The following PPP2R3B variants were observed in gnomAD, a reference collection of about 807,000 sequenced individuals.
The protein encoded by PPP2R3B is protein phosphatase 2 regulatory subunit B''beta.
PPP2R3B carries 68 observed loss-of-function variants against 72.9 expected under a neutral mutation model. The ratio of observed to expected loss-of-function variants is 0.93; its 90% CI spans 0.77 to 1.14. PPP2R3B has a LOEUF of 1.14. Among genes scored for constraint, PPP2R3B ranks in the 50% most tolerant of loss-of-function variants. The probability of loss-of-function intolerance (pLI) is 0.00; values close to 1 mark genes in which losing one functional copy is unlikely to be tolerated. For synonymous variants in PPP2R3B, 466 were observed against 375.8 expected, an observed-to-expected ratio of 1.24 and a Z score of -2.78; for missense variants, 1,018 against 842.0, an observed-to-expected ratio of 1.21 and a Z score of -2.59.
intron 1 of PPP2R3B, among the ~76,000 whole-genome samples, chrX:376,205 A>T (rs767997473): frequency 6.6e-6 from 1 of 151,982 alleles, no homozygotes; most frequent in Admixed American, 6.6e-5. Context: ...AAGGAAAAAA[A>T]AAAAAAAAAG....
chrX:349,942 CCA>C (rs2071293822), intron 2 of PPP2R3B, among the ~76,000 whole-genome samples: 1 of 152,152 alleles, frequency 6.6e-6, no homozygotes. Flanking sequence ...CGATCCCCAC[CCA>C]CAGAGTCCAG....
intron 10 of PPP2R3B, among the ~76,000 whole-genome samples, chrX:340,312 C>G (rs1261636819): frequency 4.6e-5 from 7 of 150,902 alleles, no homozygotes; most frequent in Admixed American, 4.0e-4. Context: ...CCTAGGTTCT[C>G]TAGGTCACCC....
Position 346,092 on chromosome X carries a change from GGGGGAGGA to G in PPP2R3B, c.879+74_879+81del. 1.6e-5 allele frequency: 11 copies of G among 672,170 alleles called. 1 individual carries two copies. The highest frequency in any genetic ancestry group is 2.6e-5 in the Admixed American group (1 of 38,512). 41.6% of individuals were successfully genotyped at this position (672,170 alleles called of 1,614,324 possible). A position where few individuals can be genotyped will look rare whatever the true frequency, so the allele number is the denominator to read the frequency against. Reference sequence around the variant, plus strand: ...GAGGGGGTGGGAGGGGAGGAGGGAGGGGGGAGGAGGGAAGGGAAGGGAGTGGAGGTAGG... The same window carrying G: ...GAGGGGGTGGGAGGGGAGGAGGGAGGGGGAAGGGAAGGGAGTGGAGGTAGG... On this transcript the variant is annotated intron_variant, in intron 6 of 12. Coordinates refer to ENST00000390665, the MANE Select transcript of PPP2R3B (RefSeq NM_013239.5).
intron 2 of PPP2R3B, among the ~76,000 whole-genome samples, chrX:360,224 G>A (rs953898698): frequency 6.6e-6 from 1 of 152,128 alleles, no homozygotes; most frequent in Non-Finnish European, 1.5e-5. Flanking sequence ...TTAATAGACT[G>A]TATTAATAAG....
chrX:366,800 T>G (rs113127759), intron 1 of PPP2R3B, among the ~76,000 whole-genome samples: 1,207 of 73,640 alleles, frequency 0.016, 5 homozygotes, highest in African/African-American at 0.038. Flanking sequence ...GAGGCAGAGG[T>G]TGCAGTGAGC....
chrX:381,735 A>G (rs916464242), intron 1 of PPP2R3B, among the ~76,000 whole-genome samples: 1 of 151,090 alleles, frequency 6.6e-6, no homozygotes, highest in African/African-American at 2.4e-5. Flanking sequence ...AGTAGCTGGG[A>G]CTACAGGCAC....
At chrX:363,428 C>T (rs752584198) in intron 1 of PPP2R3B, among the ~76,000 whole-genome samples, 3 of 151,952 alleles carry the variant, frequency 2.0e-5, no homozygotes, top group Admixed American at 6.5e-5. Context: ...TCCCCGAGCC[C>T]GCGATCCCAC....
chrX:383,065 T>C (rs2072159707), intron 1 of PPP2R3B, among the ~76,000 whole-genome samples: 1 of 152,202 alleles, frequency 6.6e-6, no homozygotes. Flanking sequence ...AGATGCGTCC[T>C]GGGGCCCTGA....
intron 2 of PPP2R3B, among the ~76,000 whole-genome samples, chrX:348,800 C>T (rs1466107373): frequency 6.6e-6 from 1 of 152,160 alleles, no homozygotes; most frequent in East Asian, 1.9e-4. Context: ...AAGAAAATTC[C>T]AGCCCCCAAA....
intron 1 of PPP2R3B, among the ~76,000 whole-genome samples, chrX:386,038 C>T (rs1392823540): frequency 6.6e-6 from 1 of 152,086 alleles, no homozygotes; most frequent in Non-Finnish European, 1.5e-5. Context: ...GCCAAGATCG[C>T]GCCATCGTAC....
intron 1 of PPP2R3B, among the ~76,000 whole-genome samples, chrX:373,380 C>A (rs112349214): frequency 1.9e-4 from 29 of 152,284 alleles, no homozygotes; most frequent in Non-Finnish European, 1.9e-4. Flanking sequence ...CACAACTGGC[C>A]CTGTAAATCT....
At chrX:344,566 CGCCGGGCCGG>C (rs1309920642) in intron 7 of PPP2R3B, among the ~76,000 whole-genome samples, 2 of 152,230 alleles carry the variant, frequency 1.3e-5, no homozygotes, top group Non-Finnish European at 2.9e-5. Context: ...GCTGGGGCCG[CGCCGGGCCGG>C]GGGTTCACAG....
At position 386,497 on chromosome X, in the gene PPP2R3B, G is replaced by C. The variant is rs2072254640; in HGVS notation, c.195C>G (p.Ala65=). 1 of 1,290,372 alleles carries C rather than the reference G, an allele frequency of 7.7e-7. No individual in the cohort carries two copies. Among genetic ancestry groups the C allele is most frequent in the Non-Finnish European group, 9.8e-7 (1 of 1,018,138 alleles). 79.9% of individuals were successfully genotyped at this position (1,290,372 alleles called of 1,614,324 possible). ...PGAWPTAPLA[A]PRPSGLEPPG... Reference sequence around the variant, plus strand: ...GGGGTTCGAGCCCGCTGGGCCGGGGGGCGGCGAGCGGGGCTGTGGGCCAGG... The same window carrying C: ...GGGGTTCGAGCCCGCTGGGCCGGGGCGCGGCGAGCGGGGCTGTGGGCCAGG... Residue 65 remains alanine (A), a synonymous_variant, in exon 1 of 13, where the codon GCC becomes GCG. Transcript: ENST00000390665.
Position 364,593 on chromosome X carries a change from C to T in PPP2R3B, c.325-3003G>A, listed in dbSNP as rs1161987962. On this transcript the variant is annotated intron_variant, in intron 1 of 12. Coordinates refer to ENST00000390665, the MANE Select transcript of PPP2R3B (RefSeq NM_013239.5). ...ATTAGCCGGGTGTGGTGGAGGGTGC[C>T]TGTACTCCCAGCTACTCGGGAGGCT... Among the ~76,000 whole-genome samples, 4 of 149,306 alleles carry T rather than the reference C, an allele frequency of 2.7e-5. No homozygotes were observed. The South Asian group carries it at 6.3e-4, about 24-fold the overall frequency.
At chrX:350,380 C>G (rs954686443) in intron 2 of PPP2R3B, among the ~76,000 whole-genome samples, 1 of 152,208 alleles carries the variant, frequency 6.6e-6, no homozygotes, top group Non-Finnish European at 1.5e-5. Flanking sequence ...AAGGGAGCAC[C>G]GCTGCACCGC....
At chrX:369,850 G>A (rs1377618788) in intron 1 of PPP2R3B, among the ~76,000 whole-genome samples, 3 of 152,220 alleles carry the variant, frequency 2.0e-5, no homozygotes, top group African/African-American at 4.8e-5. Flanking sequence ...AGGAGCCCCC[G>A]CTCTGCAGCG....
chrX:357,016 T>C (rs1442302877), intron 2 of PPP2R3B, among the ~76,000 whole-genome samples: 2 of 150,758 alleles, frequency 1.3e-5, no homozygotes, highest in Non-Finnish European at 2.9e-5. Context: ...CTGTACCCTG[T>C]ATACACAAAT....
Position 341,841 on chromosome X carries a change from G to A in PPP2R3B, c.1085+42C>T, listed in dbSNP as rs777228072. On this transcript the variant is annotated intron_variant, in intron 8 of 12. Coordinates refer to ENST00000390665, the MANE Select transcript of PPP2R3B (RefSeq NM_013239.5). ...GATGAGGAGAGGGACCGGGGTCCTC[G>A]CAGGGGCAATGGCTGCCGTCAGGCG... is the stretch of plus-strand genomic sequence containing the variant. The A allele has an allele frequency of 7.5e-6, 12 of 1,606,926 alleles. No individual in the cohort carries two copies. In the Admixed American group the frequency reaches 8.3e-5, roughly 11 times the overall value.
chrX:345,726 G>A lies in PPP2R3B; in HGVS notation c.880-54C>T. 3.8e-6 allele frequency: 6 copies of A among 1,592,454 alleles called. No homozygotes were observed. The South Asian group carries it at 6.8e-5, about 18-fold the overall frequency. On this transcript the variant is annotated intron_variant, in intron 6 of 12. Coordinates refer to ENST00000390665, the MANE Select transcript of PPP2R3B (RefSeq NM_013239.5). ...CGGGGCCTCTGCGGGGATGCCCCAA[G>A]TCCGCCTGGCTGCGGGCGGGGCAGG...
Sources: gnomAD v4.1 joint callset for allele counts (sites outside exome capture counted in the v4.1 genomes callset) on GRCh38, gnomAD v4.1.1 for gene constraint, MANE v1.5 for transcripts, NCBI Gene and HGNC (gene_info 2026-07-23, HGNC 2026-07-21) for gene names.